Variants in APCDD1L observed in about 807,000 individuals in gnomAD.
The protein encoded by APCDD1L is APC down-regulated 1 like.
APCDD1L carries 21 observed loss-of-function variants against 24.2 expected under a neutral mutation model. That is an observed-to-expected ratio of 0.87 (90% CI 0.61 to 1.25). The LOEUF (loss-of-function observed/expected upper bound fraction) is 1.25. Ranked by LOEUF, APCDD1L falls within the 50% of genes most tolerant of loss-of-function variation. The probability of loss-of-function intolerance (pLI) is 0.00; values close to 1 mark genes in which losing one functional copy is unlikely to be tolerated. For synonymous variants in APCDD1L, 321 were observed against 323.6 expected, an observed-to-expected ratio of 0.99 and a Z score of 0.09; for missense variants, 704 against 711.7, an observed-to-expected ratio of 0.99 and a Z score of 0.12.
At position 58,496,687 on chromosome 20, in the gene APCDD1L, A is replaced by T. The variant is rs144991608; in HGVS notation, c.49+17972T>A. 8.7e-4 allele frequency among the ~76,000 whole-genome samples: 132 copies of T among 152,332 alleles called. 1 individual carries two copies. Among genetic ancestry groups the T allele is most frequent in the African/African-American group, 2.8e-3 (118 of 41,594 alleles). ...CAGGCCGGGAGGGTGCAGGGGCCAG[A>T]GCAGGCCCTGAGGCTCAGGTGAGCT... On this transcript the variant is annotated intron_variant, in intron 1 of 3. Coordinates refer to ENST00000371149, the MANE Select transcript of APCDD1L (RefSeq NM_153360.3).
chr20:58,467,357 G>T lies in APCDD1L; in HGVS notation c.490C>A (p.Pro164Thr). 6.8e-7 allele frequency: 1 copy of T among 1,476,020 alleles called. No homozygotes were observed. The highest frequency in any genetic ancestry group is 2.8e-5 in the East Asian group (1 of 35,726). The allele number at this position is 1,476,020 out of a possible 1,614,324, so 91.4% of individuals were successfully genotyped here. A position where few individuals can be genotyped will look rare whatever the true frequency, so the allele number is the denominator to read the frequency against. Residue 164 changes from proline to threonine, a missense_variant, in exon 3 of 4, where the codon CCG (proline) becomes ACG (threonine). Pro to Thr is a conservative substitution (Grantham distance 38, BLOSUM62 -1). Transcript: ENST00000371149. The surrounding 1 kb of genome is among the most constrained non-coding windows in gnomAD (Gnocchi z 5.9). ...GCCCCAGGCAGCCAGGCCCGGGCCG[G>T]AGGCAGCCGCCGCGCGCAGTCCCGG... ...AGRDCARRLP[P>T]ARAWLPGALY... is the part of the protein sequence containing the mutation.
At position 58,477,675 on chromosome 20, in the gene APCDD1L, C is replaced by T. The variant is rs529034663; in HGVS notation, c.50-6928G>A. ...CAGAAATATCTTGTACTTCATTATA[C>T]ATTCCCTCACTAATTTTAGCATCTA... On this transcript the variant is annotated intron_variant, in intron 1 of 3. Coordinates refer to ENST00000371149, the MANE Select transcript of APCDD1L (RefSeq NM_153360.3). Among the ~76,000 whole-genome samples the T allele has an allele frequency of 2.0e-5, 3 of 152,358 alleles. No individual in the cohort carries two copies. The East Asian group carries it at 5.8e-4, about 29-fold the overall frequency.
intron 2 of APCDD1L, among the ~76,000 whole-genome samples, chr20:58,468,046 G>C (rs1989750921): frequency 6.6e-6 from 1 of 152,144 alleles, no homozygotes; most frequent in South Asian, 2.1e-4. Context: ...CGTCCTTGCT[G>C]AGTGAATGGA....
intron 1 of APCDD1L, among the ~76,000 whole-genome samples, chr20:58,491,783 A>G (rs988589251): frequency 1.3e-5 from 2 of 152,228 alleles, no homozygotes; most frequent in Non-Finnish European, 2.9e-5. Context: ...GAAAAATAGT[A>G]AGATATAGGG....
chr20:58,487,948 A>T (rs563529621), intron 1 of APCDD1L, among the ~76,000 whole-genome samples: 1 of 152,246 alleles, frequency 6.6e-6, no homozygotes, highest in African/African-American at 2.4e-5. Context: ...TTTCATATAT[A>T]TGTGCGTGCC....
rs377007187 is a variant in APCDD1L, at chr20:58,497,999, G to A, written c.49+16660C>T. Among the ~76,000 whole-genome samples, 9 of 152,086 alleles carry A rather than the reference G, an allele frequency of 5.9e-5. No individual in the cohort carries two copies. The highest frequency in any genetic ancestry group is 1.2e-4 in the Non-Finnish European group (8 of 68,022). On this transcript the variant is annotated intron_variant, in intron 1 of 3. Transcript: ENST00000371149. This position sits in a 1 kb window ranked among gnomAD's most constrained non-coding sequence, Gnocchi z 4.3. Reference sequence around the variant, plus strand: ...GGGCATATGCATAAATATATGTCCCGAGGAGGGGTGCGGTGGTGGGCTGTT... The same window carrying A: ...GGGCATATGCATAAATATATGTCCCAAGGAGGGGTGCGGTGGTGGGCTGTT...
At position 58,461,664 on chromosome 20, in the gene APCDD1L, G is replaced by T; in HGVS notation, c.742-110C>A. On this transcript the variant is annotated intron_variant, in intron 3 of 3. Transcript: ENST00000371149. This position sits in a 1 kb window ranked among gnomAD's most constrained non-coding sequence, Gnocchi z 6.0. ...GGGTGTCAAGGCAGGGTGAGGTGCGGCCTGTCCCTCCCTCCTCTCTCTCCT... is the reference window on the plus strand; with the variant it reads ...GGGTGTCAAGGCAGGGTGAGGTGCGTCCTGTCCCTCCCTCCTCTCTCTCCT... The T allele has an allele frequency of 8.7e-7, 1 of 1,142,924 alleles. No individual in the cohort carries two copies. Among genetic ancestry groups the T allele is most frequent in the Non-Finnish European group, 1.1e-6 (1 of 882,396 alleles). 70.8% of individuals were successfully genotyped at this position (1,142,924 alleles called of 1,614,324 possible).
At chr20:58,496,691 G>C (rs1288002200) in intron 1 of APCDD1L, among the ~76,000 whole-genome samples, 1 of 152,234 alleles carries the variant, frequency 6.6e-6, no homozygotes, top group Non-Finnish European at 1.5e-5. Context: ...GGCCAGAGCA[G>C]GCCCTGAGGC....
rs767820246 is a variant in APCDD1L, at chr20:58,467,643, T to C, written c.204A>G (p.Pro68=). 53 of 1,502,092 alleles carry C rather than the reference T, an allele frequency of 3.5e-5. No homozygotes were observed. The Middle Eastern group carries it at 9.3e-4, about 26-fold the overall frequency. The allele number at this position is 1,502,092 out of a possible 1,614,324, so 93.0% of individuals were successfully genotyped here. Residue 68 remains proline (P), a synonymous_variant, in exon 3 of 4, where the codon CCA becomes CCG. Transcript: ENST00000371149. This position sits in a 1 kb window ranked among gnomAD's most constrained non-coding sequence, Gnocchi z 5.9. ...AGGCGCGGGTCAGGAACTCCGGTCC[T>C]GGGCGCACCTCGCAGCTGCAGGGGT... ...PWISTGCEVR[P]GPEFLTRAYT...
At chr20:58,513,626 A>G (rs1471551343) in intron 1 of APCDD1L, among the ~76,000 whole-genome samples, 3 of 152,160 alleles carry the variant, frequency 2.0e-5, no homozygotes, top group Non-Finnish European at 4.4e-5. Flanking sequence ...GGGACCGCGC[A>G]GCCCCTCTTC....
chr20:58,502,617 T>C lies in APCDD1L; in HGVS notation c.49+12042A>G, dbSNP rs543249228. Among the ~76,000 whole-genome samples the C allele has an allele frequency of 1.4e-4, 22 of 152,100 alleles. No homozygotes were observed. In the South Asian group the frequency reaches 4.6e-3, roughly 32 times the overall value. On this transcript the variant is annotated intron_variant, in intron 1 of 3. Transcript: ENST00000371149. Reference sequence around the variant, plus strand: ...CATTCTCACCACTGAGTTGAAGTTATAGGACGTTATCTACAAACATAGTAA... The same window carrying C: ...CATTCTCACCACTGAGTTGAAGTTACAGGACGTTATCTACAAACATAGTAA...
In APCDD1L at chr20:58,467,742, T is replaced by G; in HGVS notation, c.189-84A>C. The G allele has an allele frequency of 7.7e-7, 1 of 1,298,310 alleles. No individual in the cohort carries two copies. The highest frequency in any genetic ancestry group is 2.0e-5 in the South Asian group (1 of 49,596). 80.4% of individuals were successfully genotyped at this position (1,298,310 alleles called of 1,614,324 possible). On this transcript the variant is annotated intron_variant, in intron 2 of 3. Transcript: ENST00000371149. The surrounding 1 kb of genome is among the most constrained non-coding windows in gnomAD (Gnocchi z 5.9). ...CTCCCCTCTGGGCTGGGCTCCTTTC[T>G]CCCCCCCAGCCCTCCTCTTAGTCCT...
At chr20:58,471,510 G>T (rs902902550) in intron 1 of APCDD1L, among the ~76,000 whole-genome samples, 4 of 152,266 alleles carry the variant, frequency 2.6e-5, no homozygotes, top group African/African-American at 7.2e-5. Context: ...ATGGACACGG[G>T]AAGCAGGCGC....
Position 58,467,163 on chromosome 20 carries a change from C to T in APCDD1L, c.684G>A (p.Pro228=), listed in dbSNP as rs576706641. 5.0e-6 allele frequency: 8 copies of T among 1,607,892 alleles called. No individual in the cohort carries two copies. In the South Asian group the frequency reaches 6.6e-5, roughly 13 times the overall value. The change falls in exon 3 of 4, where the codon CCG becomes CCA. Residue 228 remains proline (P), a synonymous_variant. Transcript: ENST00000371149. The surrounding 1 kb of genome is among the most constrained non-coding windows in gnomAD (Gnocchi z 5.9). The stretch of plus-strand genomic sequence containing the variant: ...TGGGCCGGTAGTGCCGCCTCTCCGC[C>T]GGGTCGGTGTGGATGTCCCCCAGGT... ...ELYLGDIHTD[P]AERRHYRPTG... is the part of the protein sequence containing the mutation.
intron 1 of APCDD1L, among the ~76,000 whole-genome samples, chr20:58,474,604 T>G (rs1023870427): frequency 2.0e-5 from 3 of 152,150 alleles, no homozygotes; most frequent in African/African-American, 7.2e-5. Flanking sequence ...TTCGGGAGGC[T>G]GAGGCAGAAG....
chr20:58,486,118 G>T (rs548058451), intron 1 of APCDD1L, among the ~76,000 whole-genome samples: 1 of 152,208 alleles, frequency 6.6e-6, no homozygotes, highest in South Asian at 2.1e-4. Flanking sequence ...GTAAGAGTTG[G>T]CAGAAGCAAA....
chr20:58,502,166 G>A lies in APCDD1L; in HGVS notation c.49+12493C>T, dbSNP rs948850580. Reference sequence around the variant, plus strand: ...CACCCAGGATGGAGTACCCTGGTGCGATCTCGGCTCACTGGAACCTGTCTC... The same window carrying A: ...CACCCAGGATGGAGTACCCTGGTGCAATCTCGGCTCACTGGAACCTGTCTC... On this transcript the variant is annotated intron_variant, in intron 1 of 3. Coordinates refer to ENST00000371149, the MANE Select transcript of APCDD1L (RefSeq NM_153360.3). Among the ~76,000 whole-genome samples the A allele has an allele frequency of 3.3e-5, 5 of 152,160 alleles. No homozygotes were observed. The East Asian group carries it at 7.7e-4, about 24-fold the overall frequency.
intron 3 of APCDD1L, among the ~76,000 whole-genome samples, chr20:58,463,490 C>T (rs535630778): frequency 4.1e-4 from 63 of 152,298 alleles, no homozygotes; most frequent in African/African-American, 9.4e-4. Flanking sequence ...GCTCAGCAGA[C>T]GCTAAAAAGG....
chr20:58,507,051 C>G (rs1990538376), intron 1 of APCDD1L, among the ~76,000 whole-genome samples: 1 of 152,296 alleles, frequency 6.6e-6, no homozygotes, highest in South Asian at 2.1e-4. Flanking sequence ...GTAACTCCCA[C>G]AATTCCCAGG....
Sources: allele counts gnomAD v4.1 joint callset (sites outside exome capture counted in the v4.1 genomes callset), GRCh38; gene constraint gnomAD v4.1.1; non-coding constraint Gnocchi (gnomAD v3.1); transcripts MANE v1.5; gene names NCBI Gene and HGNC (gene_info 2026-07-23, HGNC 2026-07-21).